Variants in GATB observed in about 807,000 individuals in gnomAD.
GATB encodes glutamyl-tRNA(Gln) amidotransferase subunit B, mitochondrial.
A neutral mutation model predicts 62.3 loss-of-function variants in GATB; 39 were observed. The observed-to-expected ratio is 0.63, with a 90% CI of 0.48 to 0.82. GATB has a LOEUF of 0.82. Among genes scored for constraint, GATB ranks in the 40% least tolerant of loss-of-function variants. The pLI is 0.00. For synonymous variants in GATB, 276 were observed against 258.9 expected (o/e 1.07, Z -0.63); for missense variants, 670 against 684.0 (o/e 0.98, Z 0.23).
Position 151,758,927 on chromosome 4 carries a change from GAAGA to G in GATB, c.177-9_177-6del. ...ACAGCAGCCCATTTGTGTTCACTAA[GAAGA>G]AAGAGATAATGGTTAAGATGTATTA... is the stretch of plus-strand genomic sequence containing the variant. On this transcript the variant is annotated splice_region_variant and splice_polypyrimidine_tract_variant and intron_variant, in intron 1 of 12. Coordinates refer to ENST00000263985, the MANE Select transcript of GATB (RefSeq NM_004564.3). 1 of 1,591,854 alleles carries G rather than the reference GAAGA, an allele frequency of 6.3e-7. No individual in the cohort carries two copies. The highest frequency in any genetic ancestry group is 8.6e-7 in the Non-Finnish European group (1 of 1,169,344).
At position 151,707,952 on chromosome 4, in the gene GATB, GGAA is replaced by G. The variant is rs760484138; in HGVS notation, c.877+33_877+35del. 5.2e-6 allele frequency: 7 copies of G among 1,342,314 alleles called. No homozygotes were observed. In the East Asian group the frequency reaches 1.4e-4, roughly 26 times the overall value. The allele number at this position is 1,342,314 out of a possible 1,614,324, so 83.2% of individuals were successfully genotyped here. On this transcript the variant is annotated intron_variant, in intron 6 of 12. Coordinates refer to ENST00000263985, the MANE Select transcript of GATB (RefSeq NM_004564.3). ...GTTACCCAGCAAGAGAGAAACAATA[GGAA>G]GAAGGACACTAGGAGCGGCAGCTGG...
chr4:151,699,487 C>T (rs931442213), intron 9 of GATB, among the ~76,000 whole-genome samples: 1 of 152,030 alleles, frequency 6.6e-6, no homozygotes, highest in African/African-American at 2.4e-5. Context: ...ATCTGCCAGC[C>T]CCTAGCAAAC....
At chr4:151,702,988 T>C (rs575129692) in intron 8 of GATB, among the ~76,000 whole-genome samples, 3 of 152,076 alleles carry the variant, frequency 2.0e-5, no homozygotes, top group Non-Finnish European at 4.4e-5. Flanking sequence ...CACGGGCGGA[T>C]GGAAAGCCGG....
chr4:151,755,125 G>A (rs1322880444), intron 2 of GATB, among the ~76,000 whole-genome samples: 1 of 152,120 alleles, frequency 6.6e-6, no homozygotes, highest in East Asian at 1.9e-4. Context: ...CTTACTACAT[G>A]CAATTACTGT....
intron 2 of GATB, among the ~76,000 whole-genome samples, chr4:151,728,374 G>T (rs1170738908): frequency 1.3e-5 from 2 of 152,122 alleles, no homozygotes; most frequent in Admixed American, 6.5e-5. Flanking sequence ...TAAAGGATAT[G>T]GGAATCATGT....
chr4:151,701,486 AC>A lies in GATB; in HGVS notation c.1039del (p.Val347CysfsTer17). Reference protein sequence around the residue: ...FMPEPNLPPLVLYDATSLPAG... With the variant: ...FMPEPNLPPLXLYDATSLPAG... ...GGGCAGAGATGTGGCGTCGTAGAGCACCAGGGGAGGCAGGTTGGGTTCTGGC... is the reference window on the plus strand; with the variant it reads ...GGGCAGAGATGTGGCGTCGTAGAGCACAGGGGAGGCAGGTTGGGTTCTGGC... On this transcript the variant is annotated frameshift_variant, in exon 9 of 13. Coordinates refer to ENST00000263985, the MANE Select transcript of GATB (RefSeq NM_004564.3). LOFTEE classifies it high-confidence loss of function. 6.3e-7 allele frequency: 1 copy of A among 1,581,618 alleles called. No individual in the cohort carries two copies. Among genetic ancestry groups the A allele is most frequent in the Non-Finnish European group, 8.6e-7 (1 of 1,162,276 alleles).
intron 9 of GATB, among the ~76,000 whole-genome samples, chr4:151,697,947 G>GTGTGTATATATATATATATA (rs1560847625): frequency 1.4e-5 from 1 of 73,494 alleles, no homozygotes; most frequent in African/African-American, 9.5e-5. Context: ...ATGTGTGTGT[G>GTGTGTATATATATATATATA]TGTGTGTATA....
chr4:151,707,099 T>C (rs768722978), intron 6 of GATB, among the ~76,000 whole-genome samples: 9 of 152,164 alleles, frequency 5.9e-5, no homozygotes, highest in Non-Finnish European at 1.3e-4. Flanking sequence ...AAAAAGAATA[T>C]AAAAAGCAGG....
At position 151,671,229 on chromosome 4, in the gene GATB, C is replaced by T; in HGVS notation, c.1619G>A (p.Ser540Asn). The part of the protein sequence containing the change: ...LIGLVRKATQ[S>N]RADPVMIKEI... ...CTTTATCATGACTGGATCTGCTCGGCTTTGAGTCGCTTTCCGGACCAACCC... is the reference window on the plus strand; with the variant it reads ...CTTTATCATGACTGGATCTGCTCGGTTTTGAGTCGCTTTCCGGACCAACCC... The change falls in exon 13 of 13, where the codon AGC becomes AAC. Residue 540 changes from serine (S) to asparagine (N), a missense_variant. By Grantham distance (46) the Ser-to-Asn change is conservative. Transcript: ENST00000263985. The T allele has an allele frequency of 6.2e-7, 1 of 1,614,124 alleles. No homozygotes were observed. The highest frequency in any genetic ancestry group is 8.5e-7 in the Non-Finnish European group (1 of 1,180,006).
At chr4:151,700,462 G>A (rs953202765) in intron 9 of GATB, among the ~76,000 whole-genome samples, 2 of 152,146 alleles carry the variant, frequency 1.3e-5, no homozygotes, top group South Asian at 2.1e-4. Context: ...TAAATGCTAG[G>A]ATGTTGTTAT....
At chr4:151,746,008 A>G (rs959919618) in intron 2 of GATB, among the ~76,000 whole-genome samples, 3 of 152,264 alleles carry the variant, frequency 2.0e-5, no homozygotes, top group African/African-American at 7.2e-5. Context: ...AAGCAAAACA[A>G]GAGCAGAGCT....
chr4:151,731,725 C>CTGCCCCGT (rs1739256529), intron 2 of GATB, among the ~76,000 whole-genome samples: 1 of 151,324 alleles, frequency 6.6e-6, no homozygotes, highest in South Asian at 2.1e-4. Flanking sequence ...CTCTGCCCCG[C>CTGCCCCGT]TGCCCCGTCT....
chr4:151,734,941 T>A (rs1277501180), intron 2 of GATB, among the ~76,000 whole-genome samples: 1 of 152,198 alleles, frequency 6.6e-6, no homozygotes, highest in African/African-American at 2.4e-5. Flanking sequence ...TCAAGATGGA[T>A]TAAGGACTTA....
At chr4:151,680,825 G>C (rs1254111580) in intron 10 of GATB, among the ~76,000 whole-genome samples, 3 of 152,174 alleles carry the variant, frequency 2.0e-5, no homozygotes, top group Non-Finnish European at 4.4e-5. Flanking sequence ...AAATGCTCCA[G>C]TGAGCATTTC....
chr4:151,705,190 C>T lies in GATB; in HGVS notation c.957G>A (p.Lys319=). Residue 319 remains lysine, a synonymous_variant, in exon 7 of 13, where the codon AAG becomes AAA. Coordinates refer to ENST00000263985, the MANE Select transcript of GATB (RefSeq NM_004564.3). ...GCTCAGCAATGCGAACTCACCCCAG[C>T]TTGTGATGAAATGAGCGTGTTTCGT... The part of the protein sequence containing the change: ...ILNETRSFHH[K]LGCTMSMRDK... The T allele has an allele frequency of 2.5e-6, 4 of 1,611,100 alleles. No individual in the cohort carries two copies. Among genetic ancestry groups the T allele is most frequent in the Non-Finnish European group, 2.5e-6 (3 of 1,177,378 alleles).
chr4:151,680,337 A>C (rs971210426), intron 10 of GATB, among the ~76,000 whole-genome samples: 12 of 152,174 alleles, frequency 7.9e-5, no homozygotes, highest in Non-Finnish European at 1.0e-4. Context: ...TGCAAATATA[A>C]ATTCCTTTAA....
chr4:151,755,252 T>C (rs184862372), intron 2 of GATB, among the ~76,000 whole-genome samples: 4 of 152,374 alleles, frequency 2.6e-5, no homozygotes, highest in Admixed American at 2.0e-4. Flanking sequence ...ATGAAAATTC[T>C]ATTCATCTCA....
chr4:151,736,958 T>A (rs919064137), intron 2 of GATB, among the ~76,000 whole-genome samples: 3 of 152,212 alleles, frequency 2.0e-5, no homozygotes, highest in Admixed American at 6.5e-5. Flanking sequence ...ATAAACCTCT[T>A]CCTTTTGTAA....
intron 1 of GATB, 112 bp downstream of exon 1, chr4:151,760,695 C>T (rs533448085): frequency 6.0e-4 from 587 of 978,486 alleles, no homozygotes; most frequent in Non-Finnish European, 7.3e-4. Flanking sequence ...TATAACTCAA[C>T]GCCCTCCCGT....
Sources: allele counts gnomAD v4.1 joint callset (sites outside exome capture counted in the v4.1 genomes callset), GRCh38; gene constraint gnomAD v4.1.1; transcripts MANE v1.5; gene names NCBI Gene and HGNC (gene_info 2026-07-23, HGNC 2026-07-21).